The following APPBP2 variants were observed in gnomAD, a reference collection of about 807,000 sequenced individuals.
APPBP2 encodes the protein amyloid protein-binding protein 2.
In APPBP2, 15 loss-of-function variants were observed where a neutral mutation model predicts 76.0. That is an observed-to-expected ratio of 0.20 (90% CI 0.13 to 0.30). The LOEUF (loss-of-function observed/expected upper bound fraction) is 0.30, where lower values mean the gene tolerates loss of function less well. APPBP2 is among the 10% of genes least tolerant of loss of function. The pLI is 1.00. For synonymous variants in APPBP2, 222 were observed against 242.2 expected (o/e 0.92, Z 0.77); for missense variants, 401 against 687.2 (o/e 0.58, Z 4.66).
chr17:60,448,784 T>G (rs2090369556), intron 12 of APPBP2, among the ~76,000 whole-genome samples: 2 of 152,200 alleles, frequency 1.3e-5, no homozygotes, highest in East Asian at 3.8e-4. Flanking sequence ...TGCAAAAAGA[T>G]ACACAAAAAT....
chr17:60,443,539 A>G lies in APPBP2; in HGVS notation c.*4042T>C, dbSNP rs987609381. On this transcript the variant is annotated 3_prime_UTR_variant, in exon 13 of 13. Transcript: ENST00000083182. ...GACCTGGTAATATTTAATAAAACGTAGCATTCATTCACATCATAAAAGTAG... is the reference window on the plus strand; with the variant it reads ...GACCTGGTAATATTTAATAAAACGTGGCATTCATTCACATCATAAAAGTAG... 2 of 152,684 alleles carry G rather than the reference A, an allele frequency of 1.3e-5. No homozygotes were observed. Among genetic ancestry groups the G allele is most frequent in the Non-Finnish European group, 2.9e-5 (2 of 68,038 alleles). The allele number at this position is 152,684 out of a possible 1,614,324, so 9.5% of individuals were successfully genotyped here. A position where few individuals can be genotyped will look rare whatever the true frequency, so the allele number is the denominator to read the frequency against.
At chr17:60,524,610 G>GAAAAA (rs35185909) in intron 1 of APPBP2, among the ~76,000 whole-genome samples, 2 of 49,936 alleles carry the variant, frequency 4.0e-5, no homozygotes, top group African/African-American at 4.6e-5. Context: ...TGCTAATTCT[G>GAAAAA]AAAAAAAAAA....
chr17:60,459,172 G>T (rs898925403), intron 9 of APPBP2, among the ~76,000 whole-genome samples: 23 of 152,034 alleles, frequency 1.5e-4, no homozygotes, highest in African/African-American at 5.6e-4. Flanking sequence ...ATTTTTAATG[G>T]TGAGTTCATT....
At chr17:60,515,051 A>G (rs1437308192) in intron 1 of APPBP2, among the ~76,000 whole-genome samples, 1 of 148,718 alleles carries the variant, frequency 6.7e-6, no homozygotes, top group African/African-American at 2.5e-5. Flanking sequence ...TAATCCACCC[A>G]CCTCGGCCTC....
At chr17:60,488,856 A>G (rs745981861) in intron 3 of APPBP2, among the ~76,000 whole-genome samples, 1 of 152,222 alleles carries the variant, frequency 6.6e-6, no homozygotes, top group Admixed American at 6.5e-5. Context: ...AACATTAGTC[A>G]AGATCACAAG....
At chr17:60,513,794 C>T (rs1180007070) in intron 1 of APPBP2, among the ~76,000 whole-genome samples, 1 of 150,650 alleles carries the variant, frequency 6.6e-6, no homozygotes, top group African/African-American at 2.4e-5. Context: ...ACCTGGGAAG[C>T]AGAGGTTGCA....
chr17:60,515,290 A>G (rs1052573872), intron 1 of APPBP2, among the ~76,000 whole-genome samples: 2 of 151,168 alleles, frequency 1.3e-5, no homozygotes, highest in South Asian at 4.2e-4. Context: ...TAATTTTTGT[A>G]CTTTTAGTAG....
At chr17:60,513,527 T>C (rs1032327108) in intron 1 of APPBP2, 10 of 524,540 alleles carry the variant, frequency 1.9e-5, no homozygotes, top group African/African-American at 1.8e-4. Flanking sequence ...CGGAGAAATA[T>C]GGTTGTCAAG....
intron 5 of APPBP2, among the ~76,000 whole-genome samples, chr17:60,464,402 C>T (rs1399740428): frequency 6.6e-6 from 1 of 152,216 alleles, no homozygotes; most frequent in African/African-American, 2.4e-5. Flanking sequence ...ACTGTTCCCT[C>T]TGCCTTAAAA....
chr17:60,448,802 C>A (rs1290367425), intron 12 of APPBP2, among the ~76,000 whole-genome samples: 1 of 151,950 alleles, frequency 6.6e-6, no homozygotes. Flanking sequence ...AATGATAAAC[C>A]AGAAACTAAT....
intron 3 of APPBP2, among the ~76,000 whole-genome samples, chr17:60,490,335 G>A (rs1229647177): frequency 6.6e-6 from 1 of 152,062 alleles, no homozygotes; most frequent in Admixed American, 6.6e-5. Context: ...AGAACTCTGG[G>A]TACTCTTTTG....
intron 1 of APPBP2, among the ~76,000 whole-genome samples, chr17:60,512,781 G>A (rs1402612965): frequency 9.5e-5 from 1 of 10,540 alleles, no homozygotes; most frequent in Non-Finnish European, 1.7e-4. Flanking sequence ...GTTGCAGTGA[G>A]CCGAGACTGC....
intron 5 of APPBP2, among the ~76,000 whole-genome samples, chr17:60,464,618 ACGT>A (rs2143330248): frequency 6.6e-6 from 1 of 152,360 alleles, no homozygotes; most frequent in African/African-American, 2.4e-5. Context: ...CCTATAAGAT[ACGT>A]ACTATTAGGG....
intron 8 of APPBP2, 168 bp downstream of exon 8, chr17:60,461,642 A>G (rs1421571874): frequency 2.0e-6 from 1 of 500,810 alleles, no homozygotes; most frequent in East Asian, 3.2e-5. Context: ...CCAAAGCATT[A>G]ACTTTTACAC....
chr17:60,513,294 T>C, intron 1 of APPBP2: 1 of 519,794 alleles, frequency 1.9e-6, no homozygotes, highest in Non-Finnish European at 3.6e-6. Flanking sequence ...TCAATGTATA[T>C]TTGGGAAATA....
intron 4 of APPBP2, among the ~76,000 whole-genome samples, chr17:60,475,834 G>T (rs1341653951): frequency 1.3e-5 from 2 of 152,094 alleles, no homozygotes; most frequent in Non-Finnish European, 2.9e-5. Flanking sequence ...AGTTTGTTCT[G>T]CCCAACTCTC....
intron 1 of APPBP2, among the ~76,000 whole-genome samples, chr17:60,511,687 T>C (rs185488762): frequency 2.5e-4 from 38 of 152,216 alleles, no homozygotes; most frequent in Admixed American, 2.0e-3. Flanking sequence ...TTTCCTCTGA[T>C]TTCAGCATTT....
At chr17:60,484,880 T>C (rs2090660732) in intron 3 of APPBP2, among the ~76,000 whole-genome samples, 1 of 152,174 alleles carries the variant, frequency 6.6e-6, no homozygotes, top group South Asian at 2.1e-4. Flanking sequence ...TAAACGGCTA[T>C]TATTTTGAGT....
At chr17:60,466,990 TAC>T (rs1025177053) in intron 4 of APPBP2, among the ~76,000 whole-genome samples, 7 of 152,156 alleles carry the variant, frequency 4.6e-5, no homozygotes, top group African/African-American at 1.2e-4. Context: ...ATAGTAGAAA[TAC>T]AGAGTTCTTT....
Sources: allele counts gnomAD v4.1 joint callset (sites outside exome capture counted in the v4.1 genomes callset), GRCh38; gene constraint gnomAD v4.1.1; transcripts MANE v1.5; gene names NCBI Gene and HGNC (gene_info 2026-07-23, HGNC 2026-07-21).